The following CNTN4 variants were observed in gnomAD, a reference collection of about 807,000 sequenced individuals.
CNTN4 encodes the protein contactin 4.
A neutral mutation model predicts 122.5 loss-of-function variants in CNTN4; 77 were observed. That is an observed-to-expected ratio of 0.63 (90% CI 0.52 to 0.76). The LOEUF (loss-of-function observed/expected upper bound fraction) is 0.76, where lower values mean the gene tolerates loss of function less well. Among genes scored for constraint, CNTN4 ranks in the 30% least tolerant of loss-of-function variants. CNTN4 has a pLI of 0.00. For synonymous variants in CNTN4, 512 were observed against 447.0 expected, an observed-to-expected ratio of 1.15 and a Z score of -1.83; for missense variants, 1,256 against 1,259.1, an observed-to-expected ratio of 1.00 and a Z score of 0.04.
chr3:2,323,345 G>T (rs916010720), intron 2 of CNTN4, among the ~76,000 whole-genome samples: 10 of 152,104 alleles, frequency 6.6e-5, no homozygotes, highest in Non-Finnish European at 4.4e-5. Context: ...GTAGAAAATG[G>T]GAGAACGTTG....
chr3:2,420,947 A>G (rs1187735353), intron 3 of CNTN4, among the ~76,000 whole-genome samples: 1 of 152,190 alleles, frequency 6.6e-6, no homozygotes, highest in East Asian at 1.9e-4. Context: ...CTAATAAAGT[A>G]AACGTTCAGG....
chr3:2,479,021 C>T (rs2075910698), intron 3 of CNTN4, among the ~76,000 whole-genome samples: 1 of 152,028 alleles, frequency 6.6e-6, no homozygotes, highest in Non-Finnish European at 1.5e-5. Flanking sequence ...TGCATATTCT[C>T]TTATTTAAGC....
chr3:2,337,310 A>G (rs1051015356), intron 2 of CNTN4, among the ~76,000 whole-genome samples: 3 of 152,272 alleles, frequency 2.0e-5, no homozygotes, highest in Admixed American at 1.3e-4. Context: ...TATAATGGGC[A>G]AGTATTTGGG....
At chr3:3,014,524 A>G (rs184953876) in intron 14 of CNTN4, among the ~76,000 whole-genome samples, 5 of 150,818 alleles carry the variant, frequency 3.3e-5, no homozygotes, top group South Asian at 2.1e-4. Context: ...GTGCTCCACA[A>G]AAGACTGCCT....
Position 2,652,718 on chromosome 3 carries a change from T to G in CNTN4, c.55+81160T>G, listed in dbSNP as rs2083417831. Among the ~76,000 whole-genome samples, 3 of 152,118 alleles carry G rather than the reference T, an allele frequency of 2.0e-5. No individual in the cohort carries two copies. In the South Asian group the frequency reaches 6.2e-4, roughly 32 times the overall value. On this transcript the variant is annotated intron_variant, in intron 4 of 24. Coordinates refer to ENST00000418658, the MANE Select transcript of CNTN4 (RefSeq NM_175607.3). Reference sequence around the variant, plus strand: ...TACAGGTCTCAGTGGAATCCTTGCCTTAGTATGGTATGTGATTTTTTATAG... The same window carrying G: ...TACAGGTCTCAGTGGAATCCTTGCCGTAGTATGGTATGTGATTTTTTATAG...
intron 2 of CNTN4, among the ~76,000 whole-genome samples, chr3:2,209,739 C>A (rs2038524168): frequency 6.6e-6 from 1 of 152,130 alleles, no homozygotes; most frequent in African/African-American, 2.4e-5. Context: ...AATTTAATAA[C>A]AGAAGTAATA....
chr3:2,303,182 T>G (rs1234581683), intron 2 of CNTN4, among the ~76,000 whole-genome samples: 8 of 152,268 alleles, frequency 5.3e-5, no homozygotes, highest in Middle Eastern at 3.4e-3. Flanking sequence ...CGTAAATCTG[T>G]GCACTTGTTT....
intron 3 of CNTN4, among the ~76,000 whole-genome samples, chr3:2,342,237 C>CTTGGG (rs2044236530): frequency 1.3e-5 from 2 of 152,090 alleles, no homozygotes; most frequent in East Asian, 3.9e-4. Flanking sequence ...TCTTCATAGG[C>CTTGGG]TTGGGTCATG....
chr3:2,524,448 T>A (rs116331419), intron 3 of CNTN4, among the ~76,000 whole-genome samples: 321 of 152,266 alleles, frequency 2.1e-3, no homozygotes, highest in African/African-American at 7.4e-3. Flanking sequence ...CTATGAATAA[T>A]CTGGAATCGT....
At chr3:2,581,371 A>G (rs532772655) in intron 4 of CNTN4, among the ~76,000 whole-genome samples, 1 of 152,180 alleles carries the variant, frequency 6.6e-6, no homozygotes, top group African/African-American at 2.4e-5. Flanking sequence ...AGAAAGGTTG[A>G]GAACCACATT....
intron 3 of CNTN4, among the ~76,000 whole-genome samples, chr3:2,550,073 A>G (rs957501479): frequency 1.3e-5 from 2 of 151,982 alleles, no homozygotes; most frequent in Non-Finnish European, 2.9e-5. Flanking sequence ...TATTGTGCCT[A>G]TTTGATTCTT....
At chr3:2,454,942 A>T (rs972656029) in intron 3 of CNTN4, among the ~76,000 whole-genome samples, 1 of 152,156 alleles carries the variant, frequency 6.6e-6, no homozygotes, top group Non-Finnish European at 1.5e-5. Context: ...AGCGTTTTGG[A>T]AGTAGAGCTA....
At chr3:2,952,586 T>A (rs1396564630) in intron 13 of CNTN4, among the ~76,000 whole-genome samples, 1 of 152,256 alleles carries the variant, frequency 6.6e-6, no homozygotes, top group African/African-American at 2.4e-5. Flanking sequence ...ACTCTTTGAT[T>A]GACAGTATAT....
intron 3 of CNTN4, among the ~76,000 whole-genome samples, chr3:2,560,072 T>C (rs545734664): frequency 5.3e-5 from 8 of 152,284 alleles, no homozygotes; most frequent in African/African-American, 1.7e-4. Flanking sequence ...TATTATAGTT[T>C]AGCTAAAAAG....
intron 2 of CNTN4, among the ~76,000 whole-genome samples, chr3:2,278,693 G>A (rs2041610158): frequency 6.6e-6 from 1 of 152,088 alleles, no homozygotes; most frequent in Admixed American, 6.6e-5. Flanking sequence ...CTTTTGAATT[G>A]CAAGACCCCT....
In CNTN4 at chr3:2,225,068, T is replaced by G. The variant is rs111962379; in HGVS notation, c.-144-114110T>G. On this transcript the variant is annotated intron_variant, in intron 2 of 24. Transcript: ENST00000418658. ...GGGAGGCTGAGGCAGGAGAATGGCG[T>G]GAACCCGGGAGGTAGAGCTTGCAAG... 2.3e-3 allele frequency among the ~76,000 whole-genome samples: 343 copies of G among 146,884 alleles called. 2 individuals are homozygous for G. The highest frequency in any genetic ancestry group is 4.8e-3 in the African/African-American group (189 of 39,510).
chr3:2,856,420 C>T (rs1289356898), intron 7 of CNTN4, among the ~76,000 whole-genome samples: 1 of 152,008 alleles, frequency 6.6e-6, no homozygotes, highest in Non-Finnish European at 1.5e-5. Flanking sequence ...CAGGGAAACA[C>T]GTCCTGAGAA....
At chr3:2,128,872 C>T (rs1418509912) in intron 2 of CNTN4, among the ~76,000 whole-genome samples, 1 of 152,136 alleles carries the variant, frequency 6.6e-6, no homozygotes, top group Non-Finnish European at 1.5e-5. Context: ...TAGTGAGTGT[C>T]CTATCAATGG....
chr3:2,384,174 A>T (rs1559505434), intron 3 of CNTN4, among the ~76,000 whole-genome samples: 1 of 152,140 alleles, frequency 6.6e-6, no homozygotes, highest in Non-Finnish European at 1.5e-5. Flanking sequence ...AGGACTCAGT[A>T]ACCTTTAATT....
Sources: gnomAD v4.1 joint callset for allele counts (sites outside exome capture counted in the v4.1 genomes callset) on GRCh38, gnomAD v4.1.1 for gene constraint, MANE v1.5 for transcripts, NCBI Gene and HGNC (gene_info 2026-07-23, HGNC 2026-07-21) for gene names.